TUSC3: variants seen among roughly 807,000 people sequenced by gnomAD.
TUSC3 encodes the protein dolichyl-diphosphooligosaccharide--protein glycosyltransferase subunit TUSC3.
In TUSC3, 45 loss-of-function variants were observed where a neutral mutation model predicts 44.8. That is an observed-to-expected ratio of 1.00 (90% CI 0.79 to 1.29). TUSC3 has a LOEUF of 1.29. Among genes scored for constraint, TUSC3 ranks in the 50% most tolerant of loss-of-function variants. TUSC3 has a pLI of 0.00. For synonymous variants in TUSC3, 212 were observed against 152.9 expected, an observed-to-expected ratio of 1.39 and a Z score of -2.85; for missense variants, 519 against 437.9, an observed-to-expected ratio of 1.19 and a Z score of -1.65.
intron 9 of TUSC3, among the ~76,000 whole-genome samples, chr8:15,755,839 C>G (rs1428002653): frequency 1.3e-5 from 2 of 152,108 alleles, no homozygotes; most frequent in African/African-American, 2.4e-5. Context: ...AGTGCTTGCC[C>G]CATTTTCTAA....
chr8:15,761,503 A>G (rs1296437353), intron 10 of TUSC3, among the ~76,000 whole-genome samples: 4 of 152,284 alleles, frequency 2.6e-5, no homozygotes, highest in South Asian at 2.1e-4. Flanking sequence ...ACTCTTGCCA[A>G]TTAGCTTCCA....
rs1373248681 is a variant in TUSC3 at position 15,738,827 on chromosome 8, C to CTTTTTTTTTTCTTTCTTTCT, written c.863-4701_863-4700insCTTTCTTTCTTTTTTTTTTT. Among the ~76,000 whole-genome samples, 185 of 87,206 alleles carry CTTTTTTTTTTCTTTCTTTCT rather than the reference C, an allele frequency of 2.1e-3. 2 individuals are homozygous for CTTTTTTTTTTCTTTCTTTCT. Among genetic ancestry groups the CTTTTTTTTTTCTTTCTTTCT allele is most frequent in the Non-Finnish European group, 2.7e-3 (128 of 47,620 alleles). 57.2% of individuals were successfully genotyped at this position (87,206 alleles called of 152,430 possible). ...ACAAAATTACTATTAATATATCTTGCTTTTTTTTTTTTTTTTTTTTTTTGA... is the reference window on the plus strand; with the variant it reads ...ACAAAATTACTATTAATATATCTTGCTTTTTTTTTTCTTTCTTTCTTTTTTTTTTTTTTTTTTTTTTTTGA... On this transcript the variant is annotated intron_variant, in intron 7 of 10. Coordinates refer to ENST00000503731, the MANE Select transcript of TUSC3 (RefSeq NM_006765.4).
At chr8:15,738,839 T>TTC (rs1811056649) in intron 7 of TUSC3, among the ~76,000 whole-genome samples, 3 of 131,874 alleles carry the variant, frequency 2.3e-5, no homozygotes, top group African/African-American at 8.4e-5. Flanking sequence ...TTTTTTTTTT[T>TTC]TTTTTTTTTT....
chr8:15,789,803 G>A, the TUSC3 span, among the ~76,000 whole-genome samples: 1 of 152,074 alleles, frequency 6.6e-6, no homozygotes, highest in Non-Finnish European at 1.5e-5. Flanking sequence ...AAAGTAACAA[G>A]GAAAAAGAAA....
chr8:15,643,642 C>A (rs1462059751), intron 2 of TUSC3, among the ~76,000 whole-genome samples: 1 of 152,280 alleles, frequency 6.6e-6, no homozygotes. Flanking sequence ...CTTTATCTTA[C>A]ATCTAGTGAA....
intron 1 of TUSC3, among the ~76,000 whole-genome samples, chr8:15,465,711 C>T (rs1350879341): frequency 6.6e-6 from 1 of 152,154 alleles, no homozygotes; most frequent in African/African-American, 2.4e-5. Flanking sequence ...CTTAAAATAA[C>T]CCATAGCATT....
intron 1 of TUSC3, among the ~76,000 whole-genome samples, chr8:15,588,828 T>C (rs1394892110): frequency 1.3e-5 from 2 of 152,154 alleles, no homozygotes; most frequent in African/African-American, 4.8e-5. Context: ...CCCCCAGTGT[T>C]TGTTTTTGGC....
chr8:15,817,920 C>T, the TUSC3 span, among the ~76,000 whole-genome samples: 4 of 152,194 alleles, frequency 2.6e-5, no homozygotes, highest in African/African-American at 9.6e-5. Flanking sequence ...CCACAGACTT[C>T]AATGATCCCA....
Position 15,765,041 on chromosome 8 carries a change from G to A in TUSC3, c.*885G>A, listed in dbSNP as rs1163325066. On this transcript the variant is annotated 3_prime_UTR_variant, in exon 11 of 11. Transcript: ENST00000503731. Reference sequence around the variant, plus strand: ...TCCAGGTAAAAGGTTAATTATCCTAGGATTAGTGAATGATTCAATGAAGCT... The same window carrying A: ...TCCAGGTAAAAGGTTAATTATCCTAAGATTAGTGAATGATTCAATGAAGCT... 6.6e-6 allele frequency: 1 copy of A among 151,988 alleles called. No individual in the cohort carries two copies. The highest frequency in any genetic ancestry group is 2.1e-4 in the South Asian group (1 of 4,828). 9.4% of individuals were successfully genotyped at this position (151,988 alleles called of 1,614,324 possible).
intron 5 of TUSC3, among the ~76,000 whole-genome samples, chr8:15,663,355 G>T (rs1807511417): frequency 6.6e-6 from 1 of 151,620 alleles, no homozygotes; most frequent in South Asian, 2.1e-4. Flanking sequence ...TATTATATCT[G>T]TAAAACATAA....
the TUSC3 span, among the ~76,000 whole-genome samples, chr8:15,786,554 G>A: frequency 2.6e-5 from 4 of 152,110 alleles, no homozygotes; most frequent in Non-Finnish European, 5.9e-5. Flanking sequence ...GCAGAATAGA[G>A]AAAAAGATTG....
intron 2 of TUSC3, among the ~76,000 whole-genome samples, chr8:15,512,470 T>A (rs150736104): frequency 3.4e-4 from 52 of 152,224 alleles, no homozygotes; most frequent in African/African-American, 1.2e-3. Context: ...GAACTAATTC[T>A]TTAACAATAA....
At chr8:15,678,378 C>T (rs966663350) in intron 6 of TUSC3, among the ~76,000 whole-genome samples, 3 of 151,418 alleles carry the variant, frequency 2.0e-5, no homozygotes, top group African/African-American at 7.3e-5. Context: ...GTATTTACTA[C>T]AATTTATATC....
chr8:15,617,139 T>TGTGTGTGTGTGTGTGTGTG (rs772712798), intron 1 of TUSC3, among the ~76,000 whole-genome samples: 6 of 60,184 alleles, frequency 1.0e-4, no homozygotes, highest in African/African-American at 3.5e-4. Context: ...TGTGTATATA[T>TGTGTGTGTGTGTGTGTGTG]TTTTTTTTTT....
At chr8:15,608,381 T>C (rs1387529081) in intron 1 of TUSC3, among the ~76,000 whole-genome samples, 5 of 152,174 alleles carry the variant, frequency 3.3e-5, no homozygotes, top group African/African-American at 1.2e-4. Context: ...GTTTGTCTTA[T>C]AGGGATAAAT....
downstream of TUSC3, among the ~76,000 whole-genome samples, chr8:15,769,413 A>AAGG (rs1812402626): frequency 1.3e-5 from 2 of 152,198 alleles, no homozygotes; most frequent in Non-Finnish European, 2.9e-5. Context: ...CTTACACCGT[A>AAGG]CACAAAAATT....
intron 1 of TUSC3, among the ~76,000 whole-genome samples, chr8:15,482,874 A>G (rs1002680784): frequency 6.6e-6 from 1 of 152,192 alleles, no homozygotes; most frequent in Non-Finnish European, 1.5e-5. Context: ...ACCTTTTTAC[A>G]TTTTCTCATG....
At position 15,739,336 on chromosome 8, in the gene TUSC3, G is replaced by A. The variant is rs140790705; in HGVS notation, c.863-4202G>A. Among the ~76,000 whole-genome samples, 511 of 152,160 alleles carry A rather than the reference G, an allele frequency of 3.4e-3. 4 individuals are homozygous for A. The highest frequency in any genetic ancestry group is 0.024 in the Middle Eastern group (7 of 294). On this transcript the variant is annotated intron_variant, in intron 7 of 10. Coordinates refer to ENST00000503731, the MANE Select transcript of TUSC3 (RefSeq NM_006765.4). Reference sequence around the variant, plus strand: ...TTTATTTGGGAATAGCTTTATAGGAGTGTAGTTCATGAGCATACTTCTGGC... The same window carrying A: ...TTTATTTGGGAATAGCTTTATAGGAATGTAGTTCATGAGCATACTTCTGGC...
intron 1 of TUSC3, among the ~76,000 whole-genome samples, chr8:15,482,750 A>G (rs1263633430): frequency 6.6e-6 from 1 of 152,228 alleles, no homozygotes; most frequent in African/African-American, 2.4e-5. Context: ...GTACAGAATA[A>G]TAGCAAATCT....
Sources: allele counts gnomAD v4.1 joint callset (sites outside exome capture counted in the v4.1 genomes callset), GRCh38; gene constraint gnomAD v4.1.1; transcripts MANE v1.5; gene names NCBI Gene and HGNC (gene_info 2026-07-23, HGNC 2026-07-21).